PRKN: variants seen among roughly 807,000 people sequenced by gnomAD.
PRKN encodes the protein parkin RBR E3 ubiquitin protein ligase.
A neutral mutation model predicts 59.5 loss-of-function variants in PRKN; 56 were observed. The observed-to-expected ratio is 0.94, with a 90% CI of 0.76 to 1.18. PRKN has a LOEUF of 1.18. PRKN is among the 50% of genes most tolerant of loss of function. The probability of loss-of-function intolerance (pLI) is 0.00; values close to 1 mark genes in which losing one functional copy is unlikely to be tolerated. For missense variants in PRKN, 657 were observed against 596.4 expected (o/e 1.10, Z -1.06); for synonymous variants, 250 against 222.1 (o/e 1.13, Z -1.12).
chr6:162,593,317 CT>C (rs1781379501), intron 1 of PRKN, among the ~76,000 whole-genome samples: 1 of 152,180 alleles, frequency 6.6e-6, no homozygotes, highest in South Asian at 2.1e-4. Flanking sequence ...GTGAAATAAA[CT>C]GATCATATGC....
At chr6:162,220,082 A>C (rs1429506452) in intron 3 of PRKN, among the ~76,000 whole-genome samples, 1 of 152,124 alleles carries the variant, frequency 6.6e-6, no homozygotes, top group East Asian at 1.9e-4. Flanking sequence ...GAAGAATGAA[A>C]TTCAAGATGG....
intron 7 of PRKN, among the ~76,000 whole-genome samples, chr6:161,728,065 C>T (rs971899577): frequency 3.9e-5 from 6 of 152,012 alleles, no homozygotes; most frequent in African/African-American, 1.2e-4. Context: ...TTTCCAAGAG[C>T]GAAAGGTTTG....
intron 1 of PRKN, among the ~76,000 whole-genome samples, chr6:162,685,764 T>C (rs1486228077): frequency 6.6e-6 from 1 of 152,166 alleles, no homozygotes; most frequent in Non-Finnish European, 1.5e-5. Context: ...CTTCCAAGAA[T>C]CAAACTCAAC....
rs529770985 is a variant in PRKN at position 162,650,373 on chromosome 6, G to A, written c.7+77289C>T. Among the ~76,000 whole-genome samples the A allele has an allele frequency of 7.2e-5, 11 of 151,972 alleles. No homozygotes were observed. The South Asian group carries it at 1.7e-3, about 23-fold the overall frequency. ...AGCACTTTGGGAGGCCGAGGCGGGC[G>A]GATCACGAGGTCAGGAGATCGAGAC... On this transcript the variant is annotated intron_variant, in intron 1 of 11. Transcript: ENST00000366898.
At chr6:162,443,560 A>G (rs1790167273) in intron 1 of PRKN, 87 bp from the exon 2 acceptor site, 1 of 1,230,380 alleles carries the variant, frequency 8.1e-7, no homozygotes, top group East Asian at 2.3e-5. Context: ...CAACCGATTT[A>G]CCCCTCGCAG....
rs1784914659 is a variant in PRKN, at chr6:161,360,072, C to T, written c.1285+16G>A. 1 of 1,548,958 alleles carries T rather than the reference C, an allele frequency of 6.5e-7. No individual in the cohort carries two copies. Among genetic ancestry groups the T allele is most frequent in the Non-Finnish European group, 8.9e-7 (1 of 1,120,380 alleles). ...GAGCACACGACATCCTCATTCTCTG[C>T]TCAGCACAGACTCACCATTTTTTTC... On this transcript the variant is annotated intron_variant, in intron 11 of 11. Coordinates refer to ENST00000366898, the MANE Select transcript of PRKN (RefSeq NM_004562.3). This position sits in a 1 kb window ranked among gnomAD's most constrained non-coding sequence, Gnocchi z 5.1.
chr6:162,125,216 T>C (rs1220586867), intron 4 of PRKN, among the ~76,000 whole-genome samples: 1 of 152,070 alleles, frequency 6.6e-6, no homozygotes, highest in Non-Finnish European at 1.5e-5. Flanking sequence ...ATACAGCCCA[T>C]AGGGACTGTC....
Position 161,483,815 on chromosome 6 carries a change from GTCCATATATA to G in PRKN, c.1083+65029_1083+65038del, listed in dbSNP as rs1394791546. 1.3e-5 allele frequency among the ~76,000 whole-genome samples: 2 copies of G among 152,252 alleles called. No homozygotes were observed. Among genetic ancestry groups the G allele is most frequent in the South Asian group, 4.1e-4 (2 of 4,822 alleles). ...TGATAGACTGGATAAAGAAAATGTG[GTCCATATATA>G]TCATGGAATACTATGCAACCATAAA... On this transcript the variant is annotated intron_variant, in intron 9 of 11. Transcript: ENST00000366898. The surrounding 1 kb of genome is among the most constrained non-coding windows in gnomAD (Gnocchi z 5.0).
At chr6:161,969,988 T>C (rs1370551071) in intron 6 of PRKN, among the ~76,000 whole-genome samples, 1 of 152,146 alleles carries the variant, frequency 6.6e-6, no homozygotes, top group Non-Finnish European at 1.5e-5. Flanking sequence ...ATAACGGAAT[T>C]TTAGGTACCT....
chr6:161,363,083 AAC>A lies in PRKN; in HGVS notation c.1168-2880_1168-2879del, dbSNP rs1053340449. On this transcript the variant is annotated intron_variant, in intron 10 of 11. Transcript: ENST00000366898. This position sits in a 1 kb window ranked among gnomAD's most constrained non-coding sequence, Gnocchi z 4.1. The stretch of plus-strand genomic sequence containing the variant: ...ATGGTGAAACCTCGTCTCTGCTAAA[AAC>A]ACAACGATTAGCCAAGCGTGGTGGT... 1.3e-5 allele frequency among the ~76,000 whole-genome samples: 2 copies of A among 152,142 alleles called. No homozygotes were observed. The highest frequency in any genetic ancestry group is 4.8e-5 in the African/African-American group (2 of 41,436).
chr6:161,643,323 G>A (rs1342736879), intron 7 of PRKN, among the ~76,000 whole-genome samples: 1 of 152,130 alleles, frequency 6.6e-6, no homozygotes, highest in Non-Finnish European at 1.5e-5. Context: ...GAGGAGAAAT[G>A]CTGAAGCTCT....
At chr6:161,757,875 G>A (rs1317363798) in intron 7 of PRKN, among the ~76,000 whole-genome samples, 4 of 23,474 alleles carry the variant, frequency 1.7e-4, no homozygotes, top group African/African-American at 3.5e-4. Flanking sequence ...CTCTCTCTGT[G>A]TATATATATA....
In PRKN at chr6:161,374,309, CGT is replaced by C. The variant is rs200781423; in HGVS notation, c.1167+12483_1167+12484del. ...ATGTGTGTGTGGTATATGTGGTGCGCGTGTGTTGTGTGTGTAACGCATGGTGT... is the reference window on the plus strand; with the variant it reads ...ATGTGTGTGTGGTATATGTGGTGCGCGTGTTGTGTGTGTAACGCATGGTGT... On this transcript the variant is annotated intron_variant, in intron 10 of 11. Coordinates refer to ENST00000366898, the MANE Select transcript of PRKN (RefSeq NM_004562.3). Among the ~76,000 whole-genome samples, 1,292 of 147,064 alleles carry C rather than the reference CGT, an allele frequency of 8.8e-3. 14 individuals are homozygous for C. The highest frequency in any genetic ancestry group is 0.031 in the African/African-American group (1,226 of 39,680).
intron 1 of PRKN, among the ~76,000 whole-genome samples, chr6:162,646,249 T>C (rs1472114258): frequency 7.0e-6 from 1 of 142,630 alleles, no homozygotes; most frequent in Non-Finnish European, 1.5e-5. Flanking sequence ...AAATAAAAGG[T>C]TTTTAAAATT....
At chr6:162,222,174 C>A (rs1457424487) in intron 3 of PRKN, among the ~76,000 whole-genome samples, 1 of 152,080 alleles carries the variant, frequency 6.6e-6, no homozygotes, top group Admixed American at 6.6e-5. Flanking sequence ...ATGTAAGTAA[C>A]CCTCTCGCCT....
intron 1 of PRKN, among the ~76,000 whole-genome samples, chr6:162,467,627 A>G (rs1337605743): frequency 6.6e-6 from 1 of 152,146 alleles, no homozygotes; most frequent in Non-Finnish European, 1.5e-5. Context: ...CAATACTCTC[A>G]GAACAGGACT....
chr6:161,814,170 C>T (rs1791671168), intron 6 of PRKN, among the ~76,000 whole-genome samples: 2 of 152,176 alleles, frequency 1.3e-5, no homozygotes, highest in East Asian at 3.9e-4. Flanking sequence ...GGCTACACTG[C>T]TTTCTACTCT....
At position 161,391,451 on chromosome 6, in the gene PRKN, G is replaced by A. The variant is rs561212725; in HGVS notation, c.1084-4574C>T. Among the ~76,000 whole-genome samples the A allele has an allele frequency of 1.3e-5, 2 of 149,480 alleles. No individual in the cohort carries two copies. The highest frequency in any genetic ancestry group is 2.2e-4 in the South Asian group (1 of 4,602). On this transcript the variant is annotated intron_variant, in intron 9 of 11. Coordinates refer to ENST00000366898, the MANE Select transcript of PRKN (RefSeq NM_004562.3). The surrounding 1 kb of genome is among the most constrained non-coding windows in gnomAD (Gnocchi z 4.9). ...CCGTAGAGTTGTTTTTTTTTTTCGA[G>A]AAATTTTAAATGTCTTTAAACAATC...
At chr6:161,651,285 T>C (rs1784140182) in intron 7 of PRKN, among the ~76,000 whole-genome samples, 1 of 152,208 alleles carries the variant, frequency 6.6e-6, no homozygotes, top group Admixed American at 6.5e-5. Context: ...TTCTCTCCCA[T>C]AACTAATTAT....
Sources: gnomAD v4.1 joint callset for allele counts (sites outside exome capture counted in the v4.1 genomes callset) on GRCh38, gnomAD v4.1.1 for gene constraint, Gnocchi (gnomAD v3.1) non-coding constraint, MANE v1.5 for transcripts, NCBI Gene and HGNC (gene_info 2026-07-23, HGNC 2026-07-21) for gene names.